Variants in STXBP5L observed in about 807,000 individuals in gnomAD.
STXBP5L encodes syntaxin-binding protein 5-like.
A neutral mutation model predicts 144.5 loss-of-function variants in STXBP5L; 65 were observed. The observed-to-expected ratio is 0.45, with a 90% CI of 0.37 to 0.55. The LOEUF is 0.55. Ranked by LOEUF, STXBP5L falls within the 20% of genes least tolerant of loss-of-function variation. STXBP5L has a pLI of 0.00. For synonymous variants in STXBP5L, 505 were observed against 469.6 expected, an observed-to-expected ratio of 1.08 and a Z score of -0.97; for missense variants, 1,298 against 1,405.5, an observed-to-expected ratio of 0.92 and a Z score of 1.22.
chr3:121,101,793 A>G (rs1278099151), intron 5 of STXBP5L, among the ~76,000 whole-genome samples: 1 of 152,010 alleles, frequency 6.6e-6, no homozygotes, highest in African/African-American at 2.4e-5. Context: ...AAGAAAAACT[A>G]TGTCTTTTTG....
chr3:121,291,303 G>C (rs929720099), intron 19 of STXBP5L, among the ~76,000 whole-genome samples: 4 of 151,806 alleles, frequency 2.6e-5, no homozygotes, highest in Admixed American at 6.6e-5. Flanking sequence ...TTTTACAACA[G>C]CTGTAAAAAA....
At chr3:121,241,819 T>A (rs2049681265) in intron 14 of STXBP5L, among the ~76,000 whole-genome samples, 1 of 151,782 alleles carries the variant, frequency 6.6e-6, no homozygotes, top group Non-Finnish European at 1.5e-5. Flanking sequence ...CCCCAATAAA[T>A]CTATACCAAG....
At chr3:121,099,124 T>C (rs2043286424) in intron 5 of STXBP5L, 1 of 152,230 alleles carries the variant, frequency 6.6e-6, no homozygotes, top group Non-Finnish European at 1.5e-5. Context: ...GCCATTGATT[T>C]GTCCTGTGGC....
At chr3:121,025,125 T>C (rs1560018016) in intron 3 of STXBP5L, among the ~76,000 whole-genome samples, 1 of 152,138 alleles carries the variant, frequency 6.6e-6, no homozygotes, top group Non-Finnish European at 1.5e-5. Flanking sequence ...ACTCAATTAA[T>C]AAGAGAAGTT....
At position 121,299,896 on chromosome 3, in the gene STXBP5L, G is replaced by C. The variant is rs916825627; in HGVS notation, c.2111-18579G>C. The stretch of plus-strand genomic sequence containing the variant: ...CTTGCAAGGCTGAGGTTGGAGGATT[G>C]CTTGAGCTGGGAGGCAGAGGTTGCA... On this transcript the variant is annotated intron_variant, in intron 19 of 26. Transcript: ENST00000471454. Among the ~76,000 whole-genome samples, 4 of 149,262 alleles carry C rather than the reference G, an allele frequency of 2.7e-5. No homozygotes were observed. The Admixed American group carries it at 2.7e-4, about 10-fold the overall frequency.
intron 9 of STXBP5L, among the ~76,000 whole-genome samples, chr3:121,173,766 G>A (rs1176676915): frequency 2.0e-5 from 3 of 151,972 alleles, no homozygotes; most frequent in African/African-American, 7.2e-5. Context: ...AAGATGAATC[G>A]TGTCTGAAAT....
At chr3:121,001,775 T>C (rs1352374058) in intron 3 of STXBP5L, among the ~76,000 whole-genome samples, 2 of 152,220 alleles carry the variant, frequency 1.3e-5, no homozygotes, top group African/African-American at 4.8e-5. Context: ...CTCTGTCCAT[T>C]CACTCTCAAA....
chr3:121,131,634 T>C (rs1201845082), intron 7 of STXBP5L, among the ~76,000 whole-genome samples: 1 of 152,096 alleles, frequency 6.6e-6, no homozygotes, highest in Non-Finnish European at 1.5e-5. Flanking sequence ...GAGTATAGTT[T>C]CAAAAAAGAA....
intron 10 of STXBP5L, among the ~76,000 whole-genome samples, chr3:121,217,396 C>T (rs2108274934): frequency 6.6e-6 from 1 of 152,296 alleles, no homozygotes; most frequent in Admixed American, 6.5e-5. Context: ...CACTGTTCCT[C>T]ACAGCACAGT....
intron 5 of STXBP5L, among the ~76,000 whole-genome samples, chr3:121,049,241 TGAG>T (rs936644372): frequency 1.1e-4 from 17 of 151,962 alleles, no homozygotes; most frequent in Admixed American, 9.8e-4. Context: ...CTCCTGATCT[TGAG>T]GGCATCAGTG....
chr3:120,987,906 C>T (rs949673084), intron 3 of STXBP5L, among the ~76,000 whole-genome samples: 2 of 151,672 alleles, frequency 1.3e-5, no homozygotes, highest in Admixed American at 6.6e-5. Flanking sequence ...TGGTAGAATT[C>T]TCTGGTGAAA....
At chr3:121,033,666 C>T (rs1232174828) in intron 3 of STXBP5L, among the ~76,000 whole-genome samples, 1 of 151,056 alleles carries the variant, frequency 6.6e-6, no homozygotes, top group East Asian at 1.9e-4. Context: ...CAATACATTA[C>T]CAAGTAGTCT....
chr3:121,341,555 A>T (rs2044713703), intron 20 of STXBP5L, among the ~76,000 whole-genome samples: 1 of 151,924 alleles, frequency 6.6e-6, no homozygotes, highest in Admixed American at 6.6e-5. Context: ...TATGGAAGAG[A>T]TATCTGCACT....
intron 3 of STXBP5L, among the ~76,000 whole-genome samples, chr3:120,990,626 A>G (rs1416988502): frequency 1.3e-5 from 2 of 152,172 alleles, no homozygotes; most frequent in African/African-American, 2.4e-5. Context: ...TGGTACCAAA[A>G]CAGAGATATA....
At chr3:121,311,264 C>A (rs554590800) in intron 19 of STXBP5L, among the ~76,000 whole-genome samples, 1 of 151,988 alleles carries the variant, frequency 6.6e-6, no homozygotes, top group Non-Finnish European at 1.5e-5. Context: ...TAAGTTGCTA[C>A]GGAGAATGCA....
chr3:121,207,460 A>G (rs903212116), intron 10 of STXBP5L, among the ~76,000 whole-genome samples: 6 of 152,230 alleles, frequency 3.9e-5, no homozygotes, highest in African/African-American at 1.4e-4. Context: ...AGCAATGGCA[A>G]TAAAAGCCAA....
chr3:120,977,130 A>T (rs1199734334), intron 3 of STXBP5L, among the ~76,000 whole-genome samples: 4 of 152,162 alleles, frequency 2.6e-5, no homozygotes, highest in Non-Finnish European at 4.4e-5. Flanking sequence ...GATCTGTCTA[A>T]TGTTGACAGT....
chr3:121,236,683 C>A (rs2049494456), intron 12 of STXBP5L, among the ~76,000 whole-genome samples: 1 of 152,242 alleles, frequency 6.6e-6, no homozygotes, highest in Non-Finnish European at 1.5e-5. Flanking sequence ...ATCCCCAAAA[C>A]TCATGTCCTC....
intron 6 of STXBP5L, among the ~76,000 whole-genome samples, chr3:121,117,449 G>A (rs1474956844): frequency 1.3e-5 from 2 of 151,652 alleles, no homozygotes; most frequent in African/African-American, 4.8e-5. Context: ...CATTTTAAAT[G>A]CCAATTTCCA....
Sources: allele counts gnomAD v4.1 joint callset (sites outside exome capture counted in the v4.1 genomes callset), GRCh38; gene constraint gnomAD v4.1.1; transcripts MANE v1.5; gene names NCBI Gene and HGNC (gene_info 2026-07-23, HGNC 2026-07-21).